DDX60L: variants seen among roughly 807,000 people sequenced by gnomAD.
The protein encoded by DDX60L is DExD/H-box 60 like.
Under a neutral mutation model 211.6 loss-of-function variants are expected in DDX60L, and 191 were observed. The ratio of observed to expected loss-of-function variants is 0.90; its 90% CI spans 0.80 to 1.02. The LOEUF is 1.02. DDX60L is among the 50% of genes least tolerant of loss of function. The pLI is 0.00. For missense variants in DDX60L, 2,007 were observed against 1,984.1 expected (o/e 1.01, Z -0.22); for synonymous variants, 706 against 694.1 (o/e 1.02, Z -0.27).
At chr4:168,383,181 C>T (rs1743257716) in intron 30 of DDX60L, among the ~76,000 whole-genome samples, 1 of 152,104 alleles carries the variant, frequency 6.6e-6, no homozygotes, top group African/African-American at 2.4e-5. Context: ...ATTCTTAATG[C>T]CTTATGGTCT....
intron 29 of DDX60L, among the ~76,000 whole-genome samples, chr4:168,385,840 G>C (rs1006803945): frequency 2.0e-5 from 3 of 152,086 alleles, no homozygotes; most frequent in African/African-American, 7.2e-5. Context: ...GCAGACAACT[G>C]TACTAGGGAT....
chr4:168,471,694 AT>A lies in DDX60L; in HGVS notation c.264+52del, dbSNP rs1200893277. 2.1e-6 allele frequency: 3 copies of A among 1,405,270 alleles called. No individual in the cohort carries two copies. The African/African-American group carries it at 4.4e-5, about 21-fold the overall frequency. 87.1% of individuals were successfully genotyped at this position (1,405,270 alleles called of 1,614,324 possible). A position where few individuals can be genotyped will look rare whatever the true frequency, so the allele number is the denominator to read the frequency against. On this transcript the variant is annotated intron_variant, in intron 4 of 37. Transcript: ENST00000682922. ...GGTCAAAGGCTCTTTAGGTTAAGAC[AT>A]TTCAGTTATAGTCTTCAAAGGACTA...
chr4:168,409,562 G>C (rs1476014668), intron 22 of DDX60L, among the ~76,000 whole-genome samples: 1 of 152,146 alleles, frequency 6.6e-6, no homozygotes, highest in African/African-American at 2.4e-5. Context: ...GAAATAGGGA[G>C]GGATAGGGAC....
chr4:168,409,109 C>T (rs1748244912), intron 22 of DDX60L, among the ~76,000 whole-genome samples: 1 of 152,178 alleles, frequency 6.6e-6, no homozygotes, highest in South Asian at 2.1e-4. Flanking sequence ...ATGCACACCT[C>T]ACAAATTTAA....
chr4:168,400,754 C>T lies in DDX60L; in HGVS notation c.3491+72G>A, dbSNP rs578147774. ...CCTCTTTGTGGCTCAGGTCTCTAAA[C>T]ATTTCTGACAGTGTCTTGTAAATAT... On this transcript the variant is annotated intron_variant, in intron 26 of 37. Transcript: ENST00000682922. 35 of 1,332,872 alleles carry T rather than the reference C, an allele frequency of 2.6e-5. No individual in the cohort carries two copies. In the South Asian group the frequency reaches 4.3e-4, roughly 16 times the overall value. 82.6% of individuals were successfully genotyped at this position (1,332,872 alleles called of 1,614,324 possible).
intron 30 of DDX60L, among the ~76,000 whole-genome samples, chr4:168,382,878 C>T (rs1743210463): frequency 6.6e-6 from 1 of 152,122 alleles, no homozygotes; most frequent in African/African-American, 2.4e-5. Context: ...AAACCTAAAA[C>T]TAAAATCATA....
intron 26 of DDX60L, among the ~76,000 whole-genome samples, chr4:168,397,447 A>G (rs1393339815): frequency 1.3e-5 from 2 of 152,238 alleles, no homozygotes; most frequent in African/African-American, 4.8e-5. Flanking sequence ...GAATGAGAAC[A>G]AAAGACAAAG....
intron 26 of DDX60L, among the ~76,000 whole-genome samples, chr4:168,398,270 C>T (rs929780722): frequency 6.6e-6 from 1 of 152,206 alleles, no homozygotes; most frequent in Admixed American, 6.5e-5. Context: ...CCACTCCAAA[C>T]TCAGAGAAAA....
chr4:168,461,180 C>T (rs1360442447), intron 5 of DDX60L, among the ~76,000 whole-genome samples: 2 of 152,150 alleles, frequency 1.3e-5, no homozygotes, highest in African/African-American at 4.8e-5. Context: ...GTGGCCAGCT[C>T]AACCCTGAGG....
chr4:168,410,967 A>G (rs1748576604), intron 22 of DDX60L, among the ~76,000 whole-genome samples: 1 of 152,244 alleles, frequency 6.6e-6, no homozygotes, highest in Non-Finnish European at 1.5e-5. Flanking sequence ...AAAGAAAAGG[A>G]ATAAACTAAC....
rs916092481 is a variant in DDX60L, at chr4:168,360,842, T to C, written c.4991+307A>G. Among the ~76,000 whole-genome samples the C allele has an allele frequency of 3.9e-5, 6 of 152,304 alleles. No homozygotes were observed. The Middle Eastern group carries it at 0.01, about 259-fold the overall frequency. On this transcript the variant is annotated intron_variant, in intron 37 of 37. Transcript: ENST00000682922. ...CAGCATTTGTAGAAATTGAGTATAG[T>C]GAGAATATAGCGAGGCCTGGAGATT...
intron 36 of DDX60L, among the ~76,000 whole-genome samples, chr4:168,365,342 C>A (rs1164170013): frequency 6.6e-6 from 1 of 151,916 alleles, no homozygotes; most frequent in Non-Finnish European, 1.5e-5. Context: ...GGAGACATTA[C>A]AACAGTTCCA....
At chr4:168,449,825 A>T (rs936134738) in intron 8 of DDX60L, among the ~76,000 whole-genome samples, 12 of 148,686 alleles carry the variant, frequency 8.1e-5, no homozygotes, top group Non-Finnish European at 1.6e-4. Context: ...AAAAAAAAAG[A>T]GGTTATAAAA....
chr4:168,471,749 TA>T lies in DDX60L; in HGVS notation c.261del (p.Phe87LeufsTer17). ...CGACATCAATCATCATATATTACCT[TA>T]AAGAAAACTATGGTGAATTGTCCTC... ...SNGGQFTIVF[F>X]KDAEYAYFDF... On this transcript the variant is annotated frameshift_variant, in exon 4 of 38. Transcript: ENST00000682922. LOFTEE classifies it high-confidence loss of function. 2 of 1,590,142 alleles carry T rather than the reference TA, an allele frequency of 1.3e-6. No homozygotes were observed. The highest frequency in any genetic ancestry group is 8.5e-7 in the Non-Finnish European group (1 of 1,173,920).
In DDX60L at chr4:168,384,641, C is replaced by T; in HGVS notation, c.4087G>A (p.Gly1363Arg). 3 of 1,613,956 alleles carry T rather than the reference C, an allele frequency of 1.9e-6. No homozygotes were observed. Among genetic ancestry groups the T allele is most frequent in the Non-Finnish European group, 2.5e-6 (3 of 1,179,946 alleles). Residue 1363 changes from glycine to arginine, a missense_variant, in exon 30 of 38, where the codon GGA (glycine) becomes AGA (arginine). Coordinates refer to ENST00000682922, the MANE Select transcript of DDX60L (RefSeq NM_001012967.3). ...VLRLMLLASK[G>R]DDPEDAKAKV... is the part of the protein sequence containing the mutation. Reference sequence around the variant, plus strand: ...GCCTTGGCATCCTCTGGGTCATCTCCCTTGGAAGCCAGCAGCATGAGTCGC... The same window carrying T: ...GCCTTGGCATCCTCTGGGTCATCTCTCTTGGAAGCCAGCAGCATGAGTCGC...
intron 4 of DDX60L, chr4:168,469,949 G>A (rs1758525483): frequency 6.6e-6 from 1 of 152,110 alleles, no homozygotes; most frequent in Non-Finnish European, 1.5e-5. Flanking sequence ...GTTGTATACA[G>A]AATATATCAA....
chr4:168,436,647 CATA>C (rs1753074825), intron 10 of DDX60L, among the ~76,000 whole-genome samples: 2 of 152,122 alleles, frequency 1.3e-5, no homozygotes, highest in Non-Finnish European at 2.9e-5. Flanking sequence ...GAATTATAGG[CATA>C]ATTCACAATT....
At chr4:168,419,655 A>T (rs1009821987) in intron 18 of DDX60L, among the ~76,000 whole-genome samples, 14 of 152,186 alleles carry the variant, frequency 9.2e-5, no homozygotes, top group African/African-American at 3.4e-4. Flanking sequence ...TCAATAAGGG[A>T]GACAATCTAT....
chr4:168,391,663 A>ACAGTC lies in DDX60L; in HGVS notation c.3811-20_3811-19insGACTG. ...TCACTACCTAGGAAAAAAAAAAAAA[A>ACAGTC]ACAGTCAATACACAATATAGCATAT... On this transcript the variant is annotated intron_variant, in intron 28 of 37. Coordinates refer to ENST00000682922, the MANE Select transcript of DDX60L (RefSeq NM_001012967.3). 1 of 1,359,146 alleles carries ACAGTC rather than the reference A, an allele frequency of 7.4e-7. No individual in the cohort carries two copies. Among genetic ancestry groups the ACAGTC allele is most frequent in the Non-Finnish European group, 1.0e-6 (1 of 987,542 alleles). The allele number at this position is 1,359,146 out of a possible 1,614,324, so 84.2% of individuals were successfully genotyped here.
Sources: gnomAD v4.1 joint callset for allele counts (sites outside exome capture counted in the v4.1 genomes callset) on GRCh38, gnomAD v4.1.1 for gene constraint, MANE v1.5 for transcripts, NCBI Gene and HGNC (gene_info 2026-07-23, HGNC 2026-07-21) for gene names.